Variants in SWAP70 observed in about 807,000 individuals in gnomAD.
The protein encoded by SWAP70 is switching B cell complex subunit SWAP70, also known as switch-associated protein 70.
Under a neutral mutation model 80.2 loss-of-function variants are expected in SWAP70, and 34 were observed. That is an observed-to-expected ratio of 0.42 (90% CI 0.32 to 0.56). The LOEUF (loss-of-function observed/expected upper bound fraction) is 0.56. Among genes scored for constraint, SWAP70 ranks in the 20% least tolerant of loss-of-function variants. SWAP70 has a pLI of 0.09. For missense variants in SWAP70, 578 were observed against 690.7 expected (o/e 0.84, Z 1.83); for synonymous variants, 239 against 238.5 (o/e 1.00, Z -0.02).
intron 9 of SWAP70, among the ~76,000 whole-genome samples, chr11:9,746,837 G>C (rs1238013497): frequency 6.6e-6 from 1 of 152,262 alleles, no homozygotes; most frequent in Non-Finnish European, 1.5e-5. Context: ...CCATCACCTA[G>C]AGTATTGGAG....
intron 1 of SWAP70, among the ~76,000 whole-genome samples, chr11:9,685,145 C>T (rs1000236628): frequency 4.0e-5 from 6 of 149,622 alleles, no homozygotes; most frequent in Non-Finnish European, 4.4e-5. Context: ...GATGGAGTCT[C>T]GCTCTGTGCC....
chr11:9,703,898 A>G (rs183200590), intron 2 of SWAP70, among the ~76,000 whole-genome samples: 437 of 152,348 alleles, frequency 2.9e-3, no homozygotes, highest in South Asian at 5.2e-3. Context: ...GACTCAGGAA[A>G]GAGTTTGAGG....
At position 9,683,128 on chromosome 11, in the gene SWAP70, G is replaced by A. The variant is rs114566918; in HGVS notation, c.100-11018G>A. ...AAACTATTCTGTCTGGGCTGGGTAC[G>A]CTGGCGCATGCCTGTAATTCCAGCA... On this transcript the variant is annotated intron_variant, in intron 1 of 11. Transcript: ENST00000318950. Among the ~76,000 whole-genome samples, 951 of 152,324 alleles carry A rather than the reference G, an allele frequency of 6.2e-3. 10 individuals carry two copies. The highest frequency in any genetic ancestry group is 0.021 in the African/African-American group (888 of 41,570).
intron 1 of SWAP70, among the ~76,000 whole-genome samples, chr11:9,672,345 A>AT (rs1850429209): frequency 6.7e-6 from 1 of 149,194 alleles, no homozygotes; most frequent in Non-Finnish European, 1.5e-5. Flanking sequence ...GAATAAATGT[A>AT]TTTTTTACTT....
intron 1 of SWAP70, among the ~76,000 whole-genome samples, chr11:9,672,195 C>CTATGTATATGTA (rs530619499): frequency 3.3e-4 from 26 of 78,420 alleles, no homozygotes; most frequent in African/African-American, 1.3e-3. Context: ...ATGTGTGTGT[C>CTATGTATATGTA]TATATATATA....
intron 9 of SWAP70, among the ~76,000 whole-genome samples, chr11:9,746,479 T>C (rs1414002682): frequency 2.0e-5 from 3 of 152,216 alleles, no homozygotes; most frequent in Non-Finnish European, 4.4e-5. Context: ...GTGAATAAAC[T>C]CTGCACTGGT....
chr11:9,702,410 TG>T (rs1311594639), intron 2 of SWAP70, among the ~76,000 whole-genome samples: 2 of 127,196 alleles, frequency 1.6e-5, no homozygotes, highest in African/African-American at 3.0e-5. Context: ...GGTTTTGTTT[TG>T]TTTTTTTTTT....
Position 9,721,176 on chromosome 11 carries a change from C to T in SWAP70, c.415-3482C>T, listed in dbSNP as rs117781662. Among the ~76,000 whole-genome samples, 888 of 152,246 alleles carry T rather than the reference C, an allele frequency of 5.8e-3. 4 individuals carry two copies. Among genetic ancestry groups the T allele is most frequent in the Non-Finnish European group, 7.7e-3 (527 of 68,000 alleles). ...CTGTCCCATTTTCTCCTTCCCTCTT[C>T]CCTTTTCCCTTTTTCTTAACATTTT... On this transcript the variant is annotated intron_variant, in intron 3 of 11. Transcript: ENST00000318950.
At chr11:9,725,728 C>T (rs934075220) in intron 4 of SWAP70, among the ~76,000 whole-genome samples, 28 of 151,672 alleles carry the variant, frequency 1.8e-4, no homozygotes, top group African/African-American at 6.0e-4. Flanking sequence ...TGCGCCACCA[C>T]GTCCAGCTAG....
At chr11:9,670,413 G>A (rs1850361019) in intron 1 of SWAP70, among the ~76,000 whole-genome samples, 1 of 152,200 alleles carries the variant, frequency 6.6e-6, no homozygotes, top group South Asian at 2.1e-4. Context: ...TGTTTATGCA[G>A]TGATGCAGTT....
intron 1 of SWAP70, among the ~76,000 whole-genome samples, chr11:9,680,759 AT>A (rs143528674): frequency 0.031 from 4,738 of 152,310 alleles, 97 homozygotes; most frequent in Non-Finnish European, 0.045. Flanking sequence ...TTAAGTTAAT[AT>A]TACCTATTCC....
chr11:9,688,472 A>T (rs146314799), intron 1 of SWAP70, among the ~76,000 whole-genome samples: 1 of 152,306 alleles, frequency 6.6e-6, no homozygotes, highest in Admixed American at 6.5e-5. Context: ...GGGATGTGGT[A>T]CAAGTTGCCT....
At chr11:9,681,365 T>C (rs529865503) in intron 1 of SWAP70, 12 of 152,358 alleles carry the variant, frequency 7.9e-5, no homozygotes, top group Admixed American at 7.8e-4. Flanking sequence ...ATTTTAGATG[T>C]CATTGAATGT....
intron 9 of SWAP70, 87 bp downstream of exon 9, chr11:9,740,434 G>C (rs1851421408): frequency 7.4e-7 from 1 of 1,358,248 alleles, no homozygotes; most frequent in African/African-American, 1.4e-5. Flanking sequence ...CTGGTGGAGA[G>C]GGAGAAGTGT....
At chr11:9,691,437 C>T (rs922652634) in intron 1 of SWAP70, among the ~76,000 whole-genome samples, 1 of 152,216 alleles carries the variant, frequency 6.6e-6, no homozygotes, top group Non-Finnish European at 1.5e-5. Context: ...GCCTTCCTCA[C>T]AGTTTGCCTA....
chr11:9,684,953 G>A (rs918384209), intron 1 of SWAP70, among the ~76,000 whole-genome samples: 5 of 152,136 alleles, frequency 3.3e-5, no homozygotes, highest in Non-Finnish European at 5.9e-5. Context: ...TCTCTTTAAG[G>A]AACTTACAGA....
At chr11:9,712,168 C>T (rs935891967) in intron 2 of SWAP70, among the ~76,000 whole-genome samples, 1 of 152,180 alleles carries the variant, frequency 6.6e-6, no homozygotes, top group African/African-American at 2.4e-5. Context: ...CAGTACTTGT[C>T]ACACTCTGCT....
At chr11:9,695,297 A>G (rs80073530) in intron 2 of SWAP70, among the ~76,000 whole-genome samples, 1 of 145,184 alleles carries the variant, frequency 6.9e-6, no homozygotes, top group Non-Finnish European at 1.5e-5. Flanking sequence ...TCCGTGTCAG[A>G]AAAAAAAAAA....
intron 1 of SWAP70, among the ~76,000 whole-genome samples, chr11:9,671,821 T>A (rs184030582): frequency 9.8e-6 from 1 of 102,144 alleles, no homozygotes; most frequent in Non-Finnish European, 1.7e-5. Flanking sequence ...AATATATAAA[T>A]ATATAATATA....
Sources: allele counts gnomAD v4.1 joint callset (sites outside exome capture counted in the v4.1 genomes callset), GRCh38; gene constraint gnomAD v4.1.1; transcripts MANE v1.5; gene names NCBI Gene and HGNC (gene_info 2026-07-23, HGNC 2026-07-21).